Variants in CHTF8 observed in about 807,000 individuals in gnomAD.
The protein encoded by CHTF8 is chromosome transmission fidelity protein 8 homolog.
In CHTF8, 6 loss-of-function variants were observed where a neutral mutation model predicts 11.0. The ratio of observed to expected loss-of-function variants is 0.55; its 90% confidence interval spans 0.30 to 1.08. The LOEUF (loss-of-function observed/expected upper bound fraction) is 1.08, where lower values mean the gene tolerates loss of function less well. Among genes scored for constraint, CHTF8 ranks in the 50% least tolerant of loss-of-function variants. CHTF8 has a pLI of 0.07. For synonymous variants in CHTF8, 53 were observed against 60.5 expected (o/e 0.88, Z 0.57); for missense variants, 140 against 153.1 (o/e 0.91, Z 0.45).
chr16:69,124,032 A>G (rs1190943954), intron 1 of CHTF8, among the ~76,000 whole-genome samples: 1 of 150,814 alleles, frequency 6.6e-6, no homozygotes, highest in Non-Finnish European at 1.5e-5. Context: ...GGAACCTGGG[A>G]GATAAAGGTT....
chr16:69,122,647 T>C (rs1349112096), intron 1 of CHTF8, among the ~76,000 whole-genome samples: 1 of 151,972 alleles, frequency 6.6e-6, no homozygotes, highest in Admixed American at 6.6e-5. Context: ...TTCAAGTGAT[T>C]CTCGTGCTTC....
intron 1 of CHTF8, among the ~76,000 whole-genome samples, chr16:69,127,143 C>T (rs1407235192): frequency 2.6e-5 from 4 of 151,592 alleles, no homozygotes; most frequent in Non-Finnish European, 5.9e-5. Flanking sequence ...GAGGCTGAGA[C>T]AGGAGAATTG....
At position 69,127,685 on chromosome 16, in the gene CHTF8, T is replaced by C. The variant is rs1452269937; in HGVS notation, c.-36+4799A>G. Among the ~76,000 whole-genome samples the C allele has an allele frequency of 4.8e-5, 7 of 146,270 alleles. No homozygotes were observed. The East Asian group carries it at 6.3e-4, about 13-fold the overall frequency. Reference sequence around the variant, plus strand: ...AGTGCAGTGGCTCGATCTCAGCTCATTGCAACCTCTGTCTCCCAGGTTCAA... The same window carrying C: ...AGTGCAGTGGCTCGATCTCAGCTCACTGCAACCTCTGTCTCCCAGGTTCAA... On this transcript the variant is annotated intron_variant, in intron 1 of 3. Transcript: ENST00000448552.
intron 1 of CHTF8, among the ~76,000 whole-genome samples, chr16:69,130,009 G>C (rs1962378246): frequency 6.6e-6 from 1 of 152,244 alleles, no homozygotes; most frequent in Admixed American, 6.5e-5. Context: ...TGAAAGTCAA[G>C]AGAATAGAGG....
rs1440470436 is a variant in CHTF8, at chr16:69,121,137, C to T, written c.57G>A (p.Leu19=). 4 of 1,613,526 alleles carry T rather than the reference C, an allele frequency of 2.5e-6. No homozygotes were observed. Among genetic ancestry groups the T allele is most frequent in the Non-Finnish European group, 3.4e-6 (4 of 1,179,996 alleles). The change falls in exon 3 of 4, where the codon CTG becomes CTA. Residue 19 remains leucine (L), a synonymous_variant. Coordinates refer to ENST00000448552, the MANE Select transcript of CHTF8 (RefSeq NM_001039690.5). The part of the protein sequence containing the change: ...ARAGGLAEWV[L]MELQGEIEAR... ...CCTCGATCTCCCCCTGTAGCTCCAT[C>T]AGCACCCATTCTGCCAGGCCTCCAG...
rs1185907571 is a variant in CHTF8, at chr16:69,118,050, T to C, written c.*2375A>G. ...TTATTAAAGAAACAGTAAGAAAAGA[T>C]ACAATGCAGGAAAACCACCAACCAT... On this transcript the variant is annotated 3_prime_UTR_variant, in exon 4 of 4. Coordinates refer to ENST00000448552, the MANE Select transcript of CHTF8 (RefSeq NM_001039690.5). 2 of 441,774 alleles carry C rather than the reference T, an allele frequency of 4.5e-6. No homozygotes were observed. The highest frequency in any genetic ancestry group is 8.2e-6 in the Non-Finnish European group (2 of 242,530). The allele number at this position is 441,774 out of a possible 1,614,324, so 27.4% of individuals were successfully genotyped here. A position where few individuals can be genotyped will look rare whatever the true frequency, so the allele number is the denominator to read the frequency against.
intron 1 of CHTF8, among the ~76,000 whole-genome samples, chr16:69,126,638 T>C (rs1036775375): frequency 3.3e-5 from 5 of 152,224 alleles, no homozygotes; most frequent in African/African-American, 1.2e-4. Flanking sequence ...CGAGCCCAGC[T>C]TCTAAGAGTT....
rs113161750 is a variant in CHTF8 at position 69,118,416 on chromosome 16, C to T, written c.*2009G>A. ...GTCCAAGCTGCCCAGGTCAGAGCTA[C>T]GGAAGCATGGTCCGTTCACCAACGC... On this transcript the variant is annotated 3_prime_UTR_variant, in exon 4 of 4. Coordinates refer to ENST00000448552, the MANE Select transcript of CHTF8 (RefSeq NM_001039690.5). 3.6e-5 allele frequency: 58 copies of T among 1,613,464 alleles called. No individual in the cohort carries two copies. The African/African-American group carries it at 4.0e-4, about 11-fold the overall frequency.
At chr16:69,122,030 C>T (rs1961711225) in intron 1 of CHTF8, among the ~76,000 whole-genome samples, 1 of 152,106 alleles carries the variant, frequency 6.6e-6, no homozygotes, top group African/African-American at 2.4e-5. Flanking sequence ...TCGTGATTCA[C>T]CCGCCTCAGC....
chr16:69,130,607 T>C (rs534366306), intron 1 of CHTF8, among the ~76,000 whole-genome samples: 41 of 152,340 alleles, frequency 2.7e-4, no homozygotes, highest in African/African-American at 9.4e-4. Flanking sequence ...AACAATACAC[T>C]GGGCATAAAC....
In CHTF8 at chr16:69,125,848, T is replaced by C. The variant is rs116236066; in HGVS notation, c.-35-4355A>G. ...ACTGTGTAGTCAAGAACAAGTCACT[T>C]TGTGACTATGACACCTAGATTATGT... On this transcript the variant is annotated intron_variant, in intron 1 of 3. Coordinates refer to ENST00000448552, the MANE Select transcript of CHTF8 (RefSeq NM_001039690.5). Among the ~76,000 whole-genome samples the C allele has an allele frequency of 7.7e-3, 1,169 of 152,342 alleles. 17 individuals are homozygous for C. Among genetic ancestry groups the C allele is most frequent in the African/African-American group, 0.025 (1,047 of 41,570 alleles).
chr16:69,121,556 C>A, intron 1 of CHTF8, 63 bp from the exon 2 acceptor site: 1 of 969,992 alleles, frequency 1.0e-6, no homozygotes, highest in South Asian at 1.6e-5. Context: ...ACACCTAATG[C>A]AACCTCCACC....
At chr16:69,122,907 G>GACCTCAGGTGATCCACCC (rs1029935680) in intron 1 of CHTF8, among the ~76,000 whole-genome samples, 4 of 151,908 alleles carry the variant, frequency 2.6e-5, no homozygotes, top group African/African-American at 9.7e-5. Context: ...TCAAACTCCT[G>GACCTCAGGTGATCCACCC]ACCTCAGGTG....
rs768807913 is a variant in CHTF8, at chr16:69,119,264, C to T, written c.*1161G>A. The stretch of plus-strand genomic sequence containing the variant: ...GTTGGATTTGAGCCCTGGAGGCCAG[C>T]GGACCTTTGGAAGGTAGCTGGGTTT... On this transcript the variant is annotated 3_prime_UTR_variant, in exon 4 of 4. Transcript: ENST00000448552. 3.1e-5 allele frequency: 22 copies of T among 702,900 alleles called. No individual in the cohort carries two copies. Among genetic ancestry groups the T allele is most frequent in the Admixed American group, 1.4e-4 (7 of 50,004 alleles). The allele number at this position is 702,900 out of a possible 1,614,324, so 43.5% of individuals were successfully genotyped here. A position where few individuals can be genotyped will look rare whatever the true frequency, so the allele number is the denominator to read the frequency against.
chr16:69,129,341 A>G (rs1245942581), intron 1 of CHTF8, among the ~76,000 whole-genome samples: 1 of 150,892 alleles, frequency 6.6e-6, no homozygotes, highest in African/African-American at 2.4e-5. Context: ...GAGGCAGGAG[A>G]ATGGCGTGAA....
chr16:69,132,496 C>A lies in CHTF8; in HGVS notation c.-48G>T. On this transcript the variant is annotated 5_prime_UTR_variant, in exon 1 of 4. Transcript: ENST00000448552. Reference sequence around the variant, plus strand: ...CCCGCGGCCTGACCTGCAATGGCGGCCGCCGAGCGCGGCGCCGCGCGGCCA... The same window carrying A: ...CCCGCGGCCTGACCTGCAATGGCGGACGCCGAGCGCGGCGCCGCGCGGCCA... 1 of 266,600 alleles carries A rather than the reference C, an allele frequency of 3.8e-6. No individual in the cohort carries two copies. The highest frequency in any genetic ancestry group is 7.2e-6 in the Non-Finnish European group (1 of 139,002). The allele number at this position is 266,600 out of a possible 1,614,324, so 16.5% of individuals were successfully genotyped here. A position where few individuals can be genotyped will look rare whatever the true frequency, so the allele number is the denominator to read the frequency against.
intron 1 of CHTF8, among the ~76,000 whole-genome samples, chr16:69,128,076 T>G (rs1962212218): frequency 6.6e-6 from 1 of 151,940 alleles, no homozygotes; most frequent in Non-Finnish European, 1.5e-5. Context: ...CACCGCGCCT[T>G]GCTGATTTTT....
At chr16:69,126,965 G>A (rs1282830515) in intron 1 of CHTF8, among the ~76,000 whole-genome samples, 5 of 152,094 alleles carry the variant, frequency 3.3e-5, no homozygotes, top group Non-Finnish European at 5.9e-5. Context: ...AAGTGTATGA[G>A]GCCGGGCGCG....
Position 69,124,573 on chromosome 16 carries a change from G to A in CHTF8, c.-35-3080C>T, listed in dbSNP as rs368850937. On this transcript the variant is annotated intron_variant, in intron 1 of 3. Coordinates refer to ENST00000448552, the MANE Select transcript of CHTF8 (RefSeq NM_001039690.5). Reference sequence around the variant, plus strand: ...TGAGTAGCTGGGATTACAGGCGCCCGCCACCACGCCAGGCTGGTCTCGAAC... The same window carrying A: ...TGAGTAGCTGGGATTACAGGCGCCCACCACCACGCCAGGCTGGTCTCGAAC... Among the ~76,000 whole-genome samples the A allele has an allele frequency of 1.9e-4, 29 of 151,852 alleles. No individual in the cohort carries two copies. In the East Asian group the frequency reaches 4.9e-3, roughly 26 times the overall value.
Sources: gnomAD v4.1 joint callset for allele counts (sites outside exome capture counted in the v4.1 genomes callset) on GRCh38, gnomAD v4.1.1 for gene constraint, MANE v1.5 for transcripts, NCBI Gene and HGNC (gene_info 2026-07-23, HGNC 2026-07-21) for gene names.